The following C8orf89 variants were observed in gnomAD, a reference collection of about 807,000 sequenced individuals.
C8orf89 encodes the protein chromosome 8 open reading frame 89, also known as putative uncharacterized protein C8orf89.
A neutral mutation model predicts 15.8 loss-of-function variants in C8orf89; 14 were observed. That is an observed-to-expected ratio of 0.89 (90% CI 0.59 to 1.39). The LOEUF is 1.39. C8orf89 is among the 40% of genes most tolerant of loss of function. The pLI, the probability that C8orf89 is intolerant of heterozygous loss-of-function variation, is 0.00. For synonymous variants in C8orf89, 55 were observed against 62.2 expected (o/e 0.88, Z 0.54); for missense variants, 181 against 184.5 (o/e 0.98, Z 0.11).
chr8:73,267,772 G>T, the C8orf89 span, among the ~76,000 whole-genome samples: 1 of 152,288 alleles, frequency 6.6e-6, no homozygotes. Flanking sequence ...CGTACAGTCA[G>T]TTGACTTTAA....
At chr8:73,241,795 A>C (rs757951178) in intron 3 of C8orf89, among the ~76,000 whole-genome samples, 190 bp from the exon 4 acceptor site, 11 of 152,190 alleles carry the variant, frequency 7.2e-5, no homozygotes, top group Non-Finnish European at 1.5e-4. Flanking sequence ...CCAATAGAAC[A>C]GAATAAACAA....
At chr8:73,258,409 C>CAA (rs34265425) in intron 1 of C8orf89, among the ~76,000 whole-genome samples, 189 of 68,582 alleles carry the variant, frequency 2.8e-3, no homozygotes, top group East Asian at 5.2e-3. Context: ...GACTCCATCT[C>CAA]AAAAAAAAAA....
Position 73,244,111 on chromosome 8 carries a change from A to G in C8orf89, c.338-2506T>C, listed in dbSNP as rs370048333. Among the ~76,000 whole-genome samples, 74 of 152,322 alleles carry G rather than the reference A, an allele frequency of 4.9e-4. No individual in the cohort carries two copies. In the South Asian group the frequency reaches 0.014, roughly 29 times the overall value. ...CAAGTTATTTTCTTCAAATAAAAAC[A>G]TTTCTCATAAATGCTAAGTGAAGTA... is the stretch of plus-strand genomic sequence containing the variant. On this transcript the variant is annotated intron_variant, in intron 3 of 3. Transcript: ENST00000624510.
intron 3 of C8orf89, among the ~76,000 whole-genome samples, chr8:73,246,319 G>A (rs915881154): frequency 6.6e-6 from 1 of 152,210 alleles, no homozygotes; most frequent in African/African-American, 2.4e-5. Flanking sequence ...TAGAAAAGAG[G>A]CTGGCAAATG....
At chr8:73,264,323 A>G (rs1813581218), upstream of C8orf89, among the ~76,000 whole-genome samples, 1 of 152,192 alleles carries the variant, frequency 6.6e-6, no homozygotes, top group Non-Finnish European at 1.5e-5. Context: ...ACATGTCCAC[A>G]GGAGACTAGG....
chr8:73,268,791 C>T, the C8orf89 span, among the ~76,000 whole-genome samples: 2 of 152,156 alleles, frequency 1.3e-5, no homozygotes, highest in Non-Finnish European at 2.9e-5. Flanking sequence ...AAAACCACAT[C>T]AGCCATGAGT....
At chr8:73,276,805 A>ATTTTTTTTTTTTTTTTT in the C8orf89 span, among the ~76,000 whole-genome samples, 1 of 87,640 alleles carries the variant, frequency 1.1e-5, no homozygotes, top group African/African-American at 4.2e-5. Flanking sequence ...CACAGCAGTC[A>ATTTTTTTTTTTTTTTTT]TTTTTTTTTT....
intron 3 of C8orf89, among the ~76,000 whole-genome samples, chr8:73,242,244 C>T (rs886972853): frequency 6.6e-6 from 1 of 152,086 alleles, no homozygotes; most frequent in Non-Finnish European, 1.5e-5. Context: ...GCAGACTACC[C>T]ATCTGACAAG....
At chr8:73,278,011 C>T in the C8orf89 span, 5 of 572,582 alleles carry the variant, frequency 8.7e-6, no homozygotes, top group East Asian at 3.9e-5. Context: ...ACCACATGCC[C>T]ATGGTGAGGA....
chr8:73,264,910 C>A, the C8orf89 span, among the ~76,000 whole-genome samples: 2 of 152,100 alleles, frequency 1.3e-5, no homozygotes, highest in Non-Finnish European at 2.9e-5. Flanking sequence ...GCTATAAAAC[C>A]AGAATGAGGT....
At chr8:73,268,046 C>T in the C8orf89 span, among the ~76,000 whole-genome samples, 34 of 152,140 alleles carry the variant, frequency 2.2e-4, no homozygotes, top group Non-Finnish European at 4.1e-4. Context: ...TAAATGGCAT[C>T]GCGGGGATAC....
chr8:73,246,157 A>G (rs929234262), intron 3 of C8orf89, among the ~76,000 whole-genome samples: 1 of 152,236 alleles, frequency 6.6e-6, no homozygotes, highest in Non-Finnish European at 1.5e-5. Context: ...GGAATGCAAG[A>G]GTGACTTAAC....
At chr8:73,275,349 G>C in the C8orf89 span, among the ~76,000 whole-genome samples, 2 of 145,684 alleles carry the variant, frequency 1.4e-5, no homozygotes, top group Admixed American at 1.5e-4. Context: ...CAACTCTCCT[G>C]TCTCAGCCTC....
intron 3 of C8orf89, among the ~76,000 whole-genome samples, chr8:73,243,457 TA>T (rs1813052815): frequency 6.6e-6 from 1 of 152,018 alleles, no homozygotes; most frequent in Admixed American, 6.6e-5. Flanking sequence ...CCCAGAAAAT[TA>T]AAAAAACACG....
the C8orf89 span, among the ~76,000 whole-genome samples, chr8:73,271,243 C>A: frequency 1.3e-5 from 2 of 152,138 alleles, no homozygotes; most frequent in African/African-American, 4.8e-5. Flanking sequence ...TTGTTTCCTC[C>A]CCAAATCTCA....
chr8:73,285,867 C>T, the C8orf89 span, among the ~76,000 whole-genome samples: 2 of 152,204 alleles, frequency 1.3e-5, no homozygotes, highest in African/African-American at 4.8e-5. Flanking sequence ...GGTGAGCATG[C>T]CCCGCAGCCA....
At chr8:73,242,807 T>C (rs1025578512) in intron 3 of C8orf89, among the ~76,000 whole-genome samples, 2 of 152,162 alleles carry the variant, frequency 1.3e-5, no homozygotes, top group African/African-American at 4.8e-5. Flanking sequence ...TTGCTAGACA[T>C]ATACCCAAAA....
chr8:73,281,945 G>A, the C8orf89 span, among the ~76,000 whole-genome samples: 163 of 152,338 alleles, frequency 1.1e-3, no homozygotes, highest in African/African-American at 3.7e-3. Flanking sequence ...AAGTGCTGAC[G>A]AATGGCAGAG....
At chr8:73,250,167 CA>C in intron 3 of C8orf89, 100 bp downstream of exon 3, 1 of 690,472 alleles carries the variant, frequency 1.4e-6, no homozygotes, top group Non-Finnish European at 2.4e-6. Flanking sequence ...AGTAACAAAA[CA>C]AAGATAATTA....
Sources: allele counts gnomAD v4.1 joint callset (sites outside exome capture counted in the v4.1 genomes callset), GRCh38; gene constraint gnomAD v4.1.1; transcripts MANE v1.5; gene names NCBI Gene and HGNC (gene_info 2026-07-23, HGNC 2026-07-21).